Variants in RTTN observed in about 807,000 individuals in gnomAD.
RTTN encodes rotatin.
A neutral mutation model predicts 269.2 loss-of-function variants in RTTN; 182 were observed. The observed-to-expected ratio is 0.68, with a 90% CI of 0.60 to 0.76. RTTN has a LOEUF of 0.76. RTTN is among the 30% of genes least tolerant of loss of function. The pLI, the probability that RTTN is intolerant of heterozygous loss-of-function variation, is 0.00. For missense variants in RTTN, 2,545 were observed against 2,608.6 expected (o/e 0.98, Z 0.53); for synonymous variants, 1,006 against 963.5 (o/e 1.04, Z -0.82).
At chr18:70,164,315 A>C (rs1378568649) in intron 14 of RTTN, among the ~76,000 whole-genome samples, 2 of 151,178 alleles carry the variant, frequency 1.3e-5, no homozygotes, top group Non-Finnish European at 2.9e-5. Context: ...AGTCTCAAGC[A>C]ATCCTCCTGC....
At chr18:70,177,329 C>T (rs994276063) in intron 10 of RTTN, among the ~76,000 whole-genome samples, 4 of 152,126 alleles carry the variant, frequency 2.6e-5, no homozygotes, top group Non-Finnish European at 4.4e-5. Context: ...TAAAGAAATG[C>T]ATCAAGGAAA....
At chr18:70,114,927 A>G (rs2059566195) in intron 26 of RTTN, among the ~76,000 whole-genome samples, 1 of 152,116 alleles carries the variant, frequency 6.6e-6, no homozygotes, top group South Asian at 2.1e-4. Flanking sequence ...GAATTAAAAC[A>G]GTACATTTTT....
At chr18:70,143,490 C>T (rs1363434866) in intron 18 of RTTN, among the ~76,000 whole-genome samples, 1 of 152,070 alleles carries the variant, frequency 6.6e-6, no homozygotes, top group African/African-American at 2.4e-5. Flanking sequence ...CAAAATAACA[C>T]AGGAACAGAA....
At chr18:70,139,556 A>T (rs1423781036) in intron 21 of RTTN, 43 bp downstream of exon 21, 2 of 1,239,586 alleles carry the variant, frequency 1.6e-6, no homozygotes, top group African/African-American at 3.0e-5. Flanking sequence ...AACACTTAAA[A>T]TTTAAGAACA....
At chr18:70,140,588 T>C (rs1457985923) in intron 19 of RTTN, among the ~76,000 whole-genome samples, 2 of 152,160 alleles carry the variant, frequency 1.3e-5, no homozygotes, top group Non-Finnish European at 2.9e-5. Context: ...CAAGCTCATG[T>C]GTAAAATATG....
chr18:70,189,806 G>C (rs779257763), intron 9 of RTTN, among the ~76,000 whole-genome samples: 3 of 152,156 alleles, frequency 2.0e-5, no homozygotes, highest in Non-Finnish European at 4.4e-5. Flanking sequence ...GTAGGGACAC[G>C]TGCTAACTGT....
chr18:70,150,131 C>A (rs751059748), intron 15 of RTTN, 44 bp from the exon 16 acceptor site: 1 of 1,217,620 alleles, frequency 8.2e-7, no homozygotes, highest in Non-Finnish European at 1.2e-6. Flanking sequence ...AATGAGATGT[C>A]CCGCTAGGTC....
chr18:70,116,700 A>T (rs1435836819), intron 26 of RTTN, among the ~76,000 whole-genome samples: 1 of 152,080 alleles, frequency 6.6e-6, no homozygotes, highest in South Asian at 2.1e-4. Context: ...ATGATGGCTC[A>T]TTTTGTTTAC....
intron 3 of RTTN, among the ~76,000 whole-genome samples, chr18:70,203,806 TAC>T (rs1302385308): frequency 6.6e-6 from 1 of 152,112 alleles, no homozygotes; most frequent in Non-Finnish European, 1.5e-5. Context: ...TCAATAAAAA[TAC>T]ATTGTTATTG....
At chr18:70,090,081 G>A (rs1568360670) in intron 30 of RTTN, among the ~76,000 whole-genome samples, 1 of 152,164 alleles carries the variant, frequency 6.6e-6, no homozygotes, top group Non-Finnish European at 1.5e-5. Flanking sequence ...CAGAAGCCAG[G>A]AATAGAGATG....
chr18:70,031,849 T>TG (rs2057022321), intron 40 of RTTN, among the ~76,000 whole-genome samples: 1 of 151,816 alleles, frequency 6.6e-6, no homozygotes, highest in Non-Finnish European at 1.5e-5. Flanking sequence ...GGGAGGAAGC[T>TG]GGGGACCCTG....
At chr18:70,101,173 C>T (rs1218271110) in intron 28 of RTTN, among the ~76,000 whole-genome samples, 2 of 152,158 alleles carry the variant, frequency 1.3e-5, no homozygotes, top group African/African-American at 4.8e-5. Context: ...CTTCGTACCT[C>T]TGGTAGAATT....
intron 40 of RTTN, among the ~76,000 whole-genome samples, chr18:70,037,191 T>G (rs1344105533): frequency 6.6e-6 from 1 of 152,184 alleles, no homozygotes; most frequent in African/African-American, 2.4e-5. Flanking sequence ...TGAAAGGCAG[T>G]CTTGGACACA....
chr18:70,103,237 AG>A (rs2059224329), intron 28 of RTTN, among the ~76,000 whole-genome samples: 1 of 152,148 alleles, frequency 6.6e-6, no homozygotes, highest in African/African-American at 2.4e-5. Flanking sequence ...GCCTGTCTGC[AG>A]GGGTACCCAA....
chr18:70,027,578 C>T (rs1401494964), intron 43 of RTTN, among the ~76,000 whole-genome samples: 6 of 151,966 alleles, frequency 3.9e-5, no homozygotes, highest in Admixed American at 6.6e-5. Context: ...AGAGTATTTC[C>T]CTGAATAAGG....
chr18:70,153,771 C>A (rs528221406), intron 14 of RTTN, among the ~76,000 whole-genome samples: 3 of 152,140 alleles, frequency 2.0e-5, no homozygotes, highest in African/African-American at 4.8e-5. Context: ...GATACTATAT[C>A]TTTATGACAC....
intron 32 of RTTN, among the ~76,000 whole-genome samples, chr18:70,081,324 A>G (rs1448075873): frequency 3.9e-5 from 6 of 152,064 alleles, no homozygotes; most frequent in East Asian, 1.9e-4. Context: ...CCTATGGGGG[A>G]AAAAAAAGTA....
chr18:70,054,018 T>C (rs1388656429), intron 38 of RTTN, 113 bp downstream of exon 38: 2 of 873,794 alleles, frequency 2.3e-6, no homozygotes, highest in South Asian at 1.9e-5. Context: ...CCTTCCAAAA[T>C]ACTAGCAAAA....
In RTTN at chr18:70,134,493, C is replaced by T; in HGVS notation, c.2934G>A (p.Leu978=). Residue 978 remains leucine (L), a synonymous_variant, in exon 23 of 49, where the codon TTG becomes TTA. Coordinates refer to ENST00000640769, the MANE Select transcript of RTTN (RefSeq NM_173630.4). ...NKPSLPSVFS[L]PVSVFRRYHL... ...TTTACCTTCTAAAAACGGAAACAGG[C>T]AAACTGAAGACCGATGGCAAAGAAG... 1.2e-6 allele frequency: 2 copies of T among 1,609,106 alleles called. No homozygotes were observed. The highest frequency in any genetic ancestry group is 1.7e-6 in the Non-Finnish European group (2 of 1,177,386).
Sources: gnomAD v4.1 joint callset for allele counts (sites outside exome capture counted in the v4.1 genomes callset) on GRCh38, gnomAD v4.1.1 for gene constraint, MANE v1.5 for transcripts, NCBI Gene and HGNC (gene_info 2026-07-23, HGNC 2026-07-21) for gene names.